CRADD: variants seen among roughly 807,000 people sequenced by gnomAD.
CRADD encodes the protein CARD and death domain containing adaptor protein, also known as death domain-containing protein CRADD.
A neutral mutation model predicts 15.5 loss-of-function variants in CRADD; 9 were observed. The ratio of observed to expected loss-of-function variants is 0.58; its 90% CI spans 0.35 to 1.01. CRADD has a LOEUF of 1.01. CRADD is among the 50% of genes least tolerant of loss of function. The pLI is 0.02. For missense variants in CRADD, 227 were observed against 250.3 expected, an observed-to-expected ratio of 0.91 and a Z score of 0.63; for synonymous variants, 118 against 107.6, an observed-to-expected ratio of 1.10 and a Z score of -0.60.
intron 2 of CRADD, among the ~76,000 whole-genome samples, chr12:93,747,831 T>C (rs1956778519): frequency 6.6e-6 from 1 of 151,950 alleles, no homozygotes; most frequent in Admixed American, 6.6e-5. Flanking sequence ...GGCCTTACAC[T>C]TCCCTCTTCT....
intron 2 of CRADD, among the ~76,000 whole-genome samples, chr12:93,848,484 A>G (rs1190593681): frequency 6.6e-6 from 1 of 152,180 alleles, no homozygotes; most frequent in Non-Finnish European, 1.5e-5. Flanking sequence ...TGTGATGCTG[A>G]TGGATGGGAG....
chr12:93,873,269 CTT>C (rs879161262), intron 2 of CRADD, among the ~76,000 whole-genome samples: 1 of 152,062 alleles, frequency 6.6e-6, no homozygotes, highest in African/African-American at 2.4e-5. Context: ...TATCCTGTAA[CTT>C]TACTGAATTT....
At chr12:93,841,645 C>T (rs1958048563) in intron 2 of CRADD, among the ~76,000 whole-genome samples, 1 of 152,174 alleles carries the variant, frequency 6.6e-6, no homozygotes, top group Non-Finnish European at 1.5e-5. Flanking sequence ...ACTTTCACTC[C>T]TCCTACCCCG....
intron 2 of CRADD, among the ~76,000 whole-genome samples, chr12:93,690,494 A>G (rs1468116526): frequency 6.6e-6 from 1 of 152,212 alleles, no homozygotes; most frequent in African/African-American, 2.4e-5. Flanking sequence ...CAAAATCAGA[A>G]TGTATTGGGG....
chr12:93,861,975 T>C (rs2137059721), intron 2 of CRADD, among the ~76,000 whole-genome samples: 1 of 152,180 alleles, frequency 6.6e-6, no homozygotes, highest in South Asian at 2.1e-4. Flanking sequence ...ACTTTTCTCG[T>C]GGTAGTGAGT....
intron 2 of CRADD, among the ~76,000 whole-genome samples, chr12:93,702,971 T>C (rs1031901550): frequency 6.6e-6 from 1 of 152,214 alleles, no homozygotes; most frequent in South Asian, 2.1e-4. Flanking sequence ...GTTGTTTTGT[T>C]CAATCCAGTC....
At chr12:93,821,025 CT>C (rs1238772819) in intron 2 of CRADD, among the ~76,000 whole-genome samples, 1 of 152,244 alleles carries the variant, frequency 6.6e-6, no homozygotes, top group Admixed American at 6.5e-5. Context: ...GACTGTGCCC[CT>C]GAGGGCTGTA....
chr12:93,692,254 T>C (rs1439357455), intron 2 of CRADD, among the ~76,000 whole-genome samples: 1 of 152,008 alleles, frequency 6.6e-6, no homozygotes, highest in African/African-American at 2.4e-5. Context: ...GAACAAACAT[T>C]TGAATAATAG....
intron 2 of CRADD, among the ~76,000 whole-genome samples, chr12:93,846,017 A>G (rs1344231668): frequency 6.6e-6 from 1 of 151,836 alleles, no homozygotes; most frequent in Non-Finnish European, 1.5e-5. Context: ...AGTACCTCAT[A>G]TGAATAGAAT....
At chr12:93,719,030 G>A (rs1232489599) in intron 2 of CRADD, among the ~76,000 whole-genome samples, 1 of 152,182 alleles carries the variant, frequency 6.6e-6, no homozygotes, top group Non-Finnish European at 1.5e-5. Flanking sequence ...AAAGTGCTGG[G>A]ATTACAGGTG....
At position 93,806,505 on chromosome 12, in the gene CRADD, G is replaced by A. The variant is rs146597835; in HGVS notation, c.299-43465G>A. Among the ~76,000 whole-genome samples, 179 of 149,510 alleles carry A rather than the reference G, an allele frequency of 1.2e-3. 3 individuals are homozygous for A. The East Asian group carries it at 0.02, about 17-fold the overall frequency. Reference sequence around the variant, plus strand: ...AAGAAAAAAAAGGATGGACTGACACGTGGTCAGTCTTTGTTCTTCTGGTGG... The same window carrying A: ...AAGAAAAAAAAGGATGGACTGACACATGGTCAGTCTTTGTTCTTCTGGTGG... On this transcript the variant is annotated intron_variant, in intron 2 of 2. Coordinates refer to ENST00000332896, the MANE Select transcript of CRADD (RefSeq NM_003805.5).
At chr12:93,763,274 G>GTTGCTGTT (rs1956990367) in intron 2 of CRADD, among the ~76,000 whole-genome samples, 1 of 152,098 alleles carries the variant, frequency 6.6e-6, no homozygotes, top group African/African-American at 2.4e-5. Flanking sequence ...TAGTATCATT[G>GTTGCTGTT]TTGCTGTTTT....
At chr12:93,785,315 C>G (rs888631611) in intron 2 of CRADD, among the ~76,000 whole-genome samples, 2 of 152,104 alleles carry the variant, frequency 1.3e-5, no homozygotes, top group African/African-American at 4.8e-5. Flanking sequence ...GAAAATGATT[C>G]AAACTGATTT....
intron 2 of CRADD, among the ~76,000 whole-genome samples, chr12:93,860,187 C>CATCT (rs1049631715): frequency 4.0e-5 from 6 of 151,468 alleles, no homozygotes. Flanking sequence ...AGAATTCTGA[C>CATCT]ATCTTAACTG....
At chr12:93,711,055 C>CCCCCCCCCCTTTTTT in intron 2 of CRADD, among the ~76,000 whole-genome samples, 1 of 43,508 alleles carries the variant, frequency 2.3e-5, no homozygotes, top group Non-Finnish European at 4.4e-5. Context: ...CCACCCCCGC[C>CCCCCCCCCCTTTTTT]TTTTTTTTTT....
At chr12:93,758,299 C>T (rs149280078) in intron 2 of CRADD, among the ~76,000 whole-genome samples, 3 of 152,136 alleles carry the variant, frequency 2.0e-5, no homozygotes, top group Admixed American at 6.5e-5. Flanking sequence ...GAGAGTTTTC[C>T]CCATTGCTAT....
At chr12:93,773,625 G>A (rs1957108330) in intron 2 of CRADD, among the ~76,000 whole-genome samples, 1 of 152,028 alleles carries the variant, frequency 6.6e-6, no homozygotes, top group Non-Finnish European at 1.5e-5. Context: ...CAGGGACCCA[G>A]ATATCTTTCA....
At chr12:93,836,217 T>G (rs553101940) in intron 2 of CRADD, 1 of 152,338 alleles carries the variant, frequency 6.6e-6, no homozygotes, top group South Asian at 2.1e-4. Context: ...CCACTTAATT[T>G]TTTCCTCTTT....
chr12:93,678,269 C>G (rs1482181015), intron 1 of CRADD, among the ~76,000 whole-genome samples: 1 of 152,214 alleles, frequency 6.6e-6, no homozygotes, highest in African/African-American at 2.4e-5. Flanking sequence ...TCCTGCACTC[C>G]TATTACTGAT....
Sources: allele counts gnomAD v4.1 joint callset (sites outside exome capture counted in the v4.1 genomes callset), GRCh38; gene constraint gnomAD v4.1.1; transcripts MANE v1.5; gene names NCBI Gene and HGNC (gene_info 2026-07-23, HGNC 2026-07-21).